The following FAM222B variants were observed in gnomAD, a reference collection of about 807,000 sequenced individuals.
The protein encoded by FAM222B is protein FAM222B.
In FAM222B, 12 loss-of-function variants were observed where a neutral mutation model predicts 38.0. The ratio of observed to expected loss-of-function variants is 0.32; its 90% CI spans 0.20 to 0.51. The LOEUF (loss-of-function observed/expected upper bound fraction) is 0.51, where lower values mean the gene tolerates loss of function less well. Ranked by LOEUF, FAM222B falls within the 20% of genes least tolerant of loss-of-function variation. The probability of loss-of-function intolerance (pLI) is 0.97; values close to 1 mark genes in which losing one functional copy is unlikely to be tolerated. For synonymous variants in FAM222B, 329 were observed against 317.2 expected (o/e 1.04, Z -0.40); for missense variants, 716 against 754.2 (o/e 0.95, Z 0.59).
chr17:28,845,787 T>TG (rs1318594740), upstream of FAM222B, among the ~76,000 whole-genome samples: 5 of 139,714 alleles, frequency 3.6e-5, no homozygotes, highest in Admixed American at 3.7e-4. Context: ...CCCAGCTACT[T>TG]GGGGGGCTGA....
In FAM222B at chr17:28,756,889, G is replaced by A. The variant is rs990659830; in HGVS notation, c.*1381C>T. ...AAACCTTAAATAAGAACCATCAGCT[G>A]ACATTCCCCAGAGACAAGAGGAAAG... On this transcript the variant is annotated 3_prime_UTR_variant, in exon 3 of 3. Transcript: ENST00000581407. The A allele has an allele frequency of 6.6e-6, 1 of 152,376 alleles. No homozygotes were observed. Among genetic ancestry groups the A allele is most frequent in the Non-Finnish European group, 1.5e-5 (1 of 68,010 alleles). 9.4% of individuals were successfully genotyped at this position (152,376 alleles called of 1,614,324 possible). A position where few individuals can be genotyped will look rare whatever the true frequency, so the allele number is the denominator to read the frequency against.
At chr17:28,789,079 C>CAA (rs397857027) in intron 1 of FAM222B, among the ~76,000 whole-genome samples, 969 of 62,182 alleles carry the variant, frequency 0.016, 12 homozygotes, top group African/African-American at 0.053. Flanking sequence ...AAAGATACCT[C>CAA]AAAAAAAAAA....
Position 28,759,050 on chromosome 17 carries a change from G to C in FAM222B, c.909C>G (p.Leu303=). The part of the protein sequence containing the change: ...ANPSPISRSL[L]INASTRVSTH... ...TCGACACCCGGGTGCTTGCATTGAT[G>C]AGCAGACTGCGACTAATGGGGCTGG... Residue 303 remains leucine, a synonymous_variant, in exon 3 of 3, where the codon CTC becomes CTG. Coordinates refer to ENST00000581407, the MANE Select transcript of FAM222B (RefSeq NM_001077498.3). This position sits in a 1 kb window ranked among gnomAD's most constrained non-coding sequence, Gnocchi z 4.8. 3 of 1,612,632 alleles carry C rather than the reference G, an allele frequency of 1.9e-6. No homozygotes were observed.
intron 1 of FAM222B, among the ~76,000 whole-genome samples, chr17:28,838,132 T>C (rs1387950644): frequency 1.3e-5 from 2 of 151,910 alleles, no homozygotes; most frequent in Non-Finnish European, 2.9e-5. Flanking sequence ...CGGGCAGTAG[T>C]GCCATGCCTG....
intron 1 of FAM222B, among the ~76,000 whole-genome samples, chr17:28,834,069 T>C (rs1020210043): frequency 9.9e-5 from 15 of 152,190 alleles, no homozygotes; most frequent in Non-Finnish European, 2.2e-4. Context: ...CGTCCTCCAA[T>C]ATAAAGTCAA....
intron 1 of FAM222B, among the ~76,000 whole-genome samples, chr17:28,781,022 C>A (rs1200265091): frequency 1.3e-5 from 2 of 152,054 alleles, no homozygotes; most frequent in Non-Finnish European, 2.9e-5. Context: ...CAAAACAACC[C>A]AATTAAGAAA....
intron 2 of FAM222B, among the ~76,000 whole-genome samples, chr17:28,762,453 C>G (rs1190315010): frequency 2.0e-5 from 3 of 150,214 alleles, no homozygotes; most frequent in Non-Finnish European, 4.4e-5. Context: ...TGGTGAAACC[C>G]TGTCTCTACT....
intron 1 of FAM222B, among the ~76,000 whole-genome samples, chr17:28,820,638 T>G (rs1028506610): frequency 7.4e-5 from 11 of 148,100 alleles, no homozygotes; most frequent in Admixed American, 2.0e-4. Flanking sequence ...TGGTAAAACT[T>G]TTTTTTTTTT....
chr17:28,820,800 A>AT (rs939688376), intron 1 of FAM222B, among the ~76,000 whole-genome samples: 14 of 151,846 alleles, frequency 9.2e-5, no homozygotes, highest in African/African-American at 3.4e-4. Context: ...CGCCCAGCTA[A>AT]TTTTTTAAAA....
chr17:28,831,106 T>G (rs2038654721), intron 1 of FAM222B, among the ~76,000 whole-genome samples: 2 of 151,476 alleles, frequency 1.3e-5, no homozygotes. Context: ...GTGATTCTCC[T>G]GCCTCAGCCT....
At chr17:28,770,474 C>T (rs1421112745) in intron 1 of FAM222B, among the ~76,000 whole-genome samples, 1 of 152,202 alleles carries the variant, frequency 6.6e-6, no homozygotes, top group Non-Finnish European at 1.5e-5. Context: ...GCCATCTTGG[C>T]TCACTGCAAC....
rs187806063 is a variant in FAM222B at position 28,799,733 on chromosome 17, G to A, written c.-40-33026C>T. On this transcript the variant is annotated intron_variant, in intron 1 of 2. Coordinates refer to ENST00000581407, the MANE Select transcript of FAM222B (RefSeq NM_001077498.3). ...AGTGATCCTCCTGCCTCAATCTCCT[G>A]AGTAAGCTGGGACTACAGGTGATTG... 8.3e-4 allele frequency among the ~76,000 whole-genome samples: 127 copies of A among 152,118 alleles called. 1 individual carries two copies. Among genetic ancestry groups the A allele is most frequent in the Non-Finnish European group, 1.2e-3 (84 of 67,998 alleles).
At chr17:28,844,219 C>A (rs79732339), upstream of FAM222B, among the ~76,000 whole-genome samples, 1 of 152,272 alleles carries the variant, frequency 6.6e-6, no homozygotes, top group East Asian at 1.9e-4. Context: ...TAAACTCTCT[C>A]CTCATCACCA....
intron 1 of FAM222B, among the ~76,000 whole-genome samples, chr17:28,819,444 G>A (rs959447092): frequency 3.3e-5 from 5 of 152,156 alleles, no homozygotes; most frequent in South Asian, 2.1e-4. Context: ...GGTGGAAAGT[G>A]CCTTCTCCAT....
upstream of FAM222B, among the ~76,000 whole-genome samples, chr17:28,846,373 T>A (rs74661539): frequency 8.0e-5 from 12 of 150,914 alleles, no homozygotes; most frequent in African/African-American, 1.7e-4. Flanking sequence ...CTCAAAAAAA[T>A]TTTTTTAATT....
intron 1 of FAM222B, among the ~76,000 whole-genome samples, chr17:28,805,894 C>A (rs1597976573): frequency 2.0e-5 from 3 of 152,232 alleles, no homozygotes; most frequent in Admixed American, 2.0e-4. Context: ...GTAATCCCAG[C>A]ACTTTGGGAG....
intron 1 of FAM222B, among the ~76,000 whole-genome samples, chr17:28,776,718 A>G (rs2035915950): frequency 6.6e-6 from 1 of 151,996 alleles, no homozygotes; most frequent in African/African-American, 2.4e-5. Context: ...GTGGCCTCCC[A>G]AAGTGCTGAG....
At chr17:28,791,823 C>T (rs2036703877) in intron 1 of FAM222B, among the ~76,000 whole-genome samples, 3 of 151,528 alleles carry the variant, frequency 2.0e-5, no homozygotes, top group Non-Finnish European at 4.4e-5. Context: ...CCACGCCCAG[C>T]TAATTTTTGT....
At chr17:28,826,978 CA>C (rs1213443352) in intron 1 of FAM222B, among the ~76,000 whole-genome samples, 1 of 151,670 alleles carries the variant, frequency 6.6e-6, no homozygotes, top group Non-Finnish European at 1.5e-5. Flanking sequence ...TTGTCTTTGC[CA>C]AAAAAATTTT....
Sources: gnomAD v4.1 joint callset for allele counts (sites outside exome capture counted in the v4.1 genomes callset) on GRCh38, gnomAD v4.1.1 for gene constraint, Gnocchi (gnomAD v3.1) non-coding constraint, MANE v1.5 for transcripts, NCBI Gene and HGNC (gene_info 2026-07-23, HGNC 2026-07-21) for gene names.